Variants in CTU2 observed in about 807,000 individuals in gnomAD.
CTU2 encodes the protein cytoplasmic tRNA 2-thiolation protein 2.
A neutral mutation model predicts 64.1 loss-of-function variants in CTU2; 80 were observed. That is an observed-to-expected ratio of 1.25 (90% CI 1.04 to 1.50). The LOEUF (loss-of-function observed/expected upper bound fraction) is 1.50. Ranked by LOEUF, CTU2 falls within the 40% of genes most tolerant of loss-of-function variation. CTU2 has a pLI of 0.00. For synonymous variants in CTU2, 482 were observed against 285.3 expected (o/e 1.69, Z -6.95); for missense variants, 1,110 against 690.2 (o/e 1.61, Z -6.81).
intron 2 of CTU2, 168 bp from the exon 3 acceptor site, chr16:88,709,770 G>A (rs1911168150): frequency 3.1e-6 from 2 of 652,306 alleles, no homozygotes; most frequent in South Asian, 3.7e-5. Context: ...GCCACTGCCA[G>A]AGGGGCCAAC....
rs368218844 is a variant in CTU2 at position 88,715,119 on chromosome 16, A to G, written c.1478+13A>G. ...TCCGCACACAGAGGTACTGGGGCCC[A>G]CACTGCCGTGGCGCGTGGGTAAGGG... On this transcript the variant is annotated intron_variant, in intron 14 of 14. Transcript: ENST00000453996. 101 of 1,596,982 alleles carry G rather than the reference A, an allele frequency of 6.3e-5. No individual in the cohort carries two copies. Among genetic ancestry groups the G allele is most frequent in the Non-Finnish European group, 7.9e-5 (93 of 1,171,904 alleles).
chr16:88,708,558 C>T (rs1158888203), intron 2 of CTU2, among the ~76,000 whole-genome samples: 1 of 152,172 alleles, frequency 6.6e-6, no homozygotes, highest in Non-Finnish European at 1.5e-5. Flanking sequence ...CTGGGGGTCA[C>T]TTCCCATGTC....
At position 88,712,866 on chromosome 16, in the gene CTU2, G is replaced by C. The variant is rs753709904; in HGVS notation, c.698G>C (p.Arg233Thr). 6.5e-7 allele frequency: 1 copy of C among 1,548,304 alleles called. No individual in the cohort carries two copies. Among genetic ancestry groups the C allele is most frequent in the Admixed American group, 2.0e-5 (1 of 50,958 alleles). The change falls in exon 7 of 15, where the codon AGG becomes ACG. Residue 233 changes from arginine (R) to threonine (T), a missense_variant. Coordinates refer to ENST00000453996, the MANE Select transcript of CTU2 (RefSeq NM_001012759.3). ...EALSQLFCSV[R>T]TLTAKEELLQ... ...CTTTCCCAACTGTTCTGCTCAGTGA[G>C]GACACTGACTGCCAAGGAGGAGCTT... is the stretch of plus-strand genomic sequence containing the variant.
At chr16:88,713,980 C>G (rs181362242) in intron 9 of CTU2, among the ~76,000 whole-genome samples, 156 bp from the exon 10 acceptor site, 1 of 152,204 alleles carries the variant, frequency 6.6e-6, no homozygotes. Flanking sequence ...GGGTGCACTG[C>G]TGAAGCGGGT....
Position 88,713,734 on chromosome 16 carries a change from C to G in CTU2, c.961C>G (p.Leu321Val), listed in dbSNP as rs911187520. The part of the protein sequence containing the change: ...TLKEVAFYNR[L>V]FSVPSVFTPA... ...GAAGGAGGTCGCTTTCTACAACCGC[C>G]TGTTCTCCGTTCCTTCTGTCTTCAC... is the stretch of plus-strand genomic sequence containing the variant. The change falls in exon 9 of 15, where the codon CTG (leucine) becomes GTG (valine). Residue 321 changes from leucine (L) to valine (V), a missense_variant. By Grantham distance (32) the Leu-to-Val change is conservative. Coordinates refer to ENST00000453996, the MANE Select transcript of CTU2 (RefSeq NM_001012759.3). The G allele has an allele frequency of 6.2e-7, 1 of 1,612,734 alleles. No homozygotes were observed. The highest frequency in any genetic ancestry group is 8.5e-7 in the Non-Finnish European group (1 of 1,179,902).
chr16:88,714,902 C>T lies in CTU2; in HGVS notation c.1395C>T (p.Ser465=), dbSNP rs765973730. ...GCATTGAGGAGCAGCTGTGCTACAG[C>T]TGCCGCGTGAACATGAAGGACTTGG... ...QACIEEQLCY[S]CRVNMKDLPS... Residue 465 remains serine, a synonymous_variant, in exon 13 of 15, where the codon AGC becomes AGT. Transcript: ENST00000453996. The T allele has an allele frequency of 1.2e-6, 2 of 1,612,668 alleles. No individual in the cohort carries two copies. Among genetic ancestry groups the T allele is most frequent in the African/African-American group, 1.3e-5 (1 of 75,062 alleles).
chr16:88,714,255 G>A (rs754958017), intron 10 of CTU2, 28 bp downstream of exon 10: 1 of 1,598,916 alleles, frequency 6.3e-7, no homozygotes, highest in Admixed American at 1.7e-5. Flanking sequence ...TGTGTGCGGG[G>A]GGTGCGCGGG....
rs1250463662 is a variant in CTU2, at chr16:88,715,059, C to T, written c.1431C>T (p.Asp477=). 5.1e-6 allele frequency: 8 copies of T among 1,570,898 alleles called. No homozygotes were observed. The highest frequency in any genetic ancestry group is 1.7e-5 in the Admixed American group (1 of 57,422). Residue 477 remains aspartate (D), a synonymous_variant, in exon 14 of 15, where the codon GAC becomes GAT. Coordinates refer to ENST00000453996, the MANE Select transcript of CTU2 (RefSeq NM_001012759.3). ...RVNMKDLPSL[D]PLPPYILAEA... Reference sequence around the variant, plus strand: ...GGCCTCTGTTGCAGCCCTCACTGGACCCCCTGCCGCCGTACATCCTGGCTG... The same window carrying T: ...GGCCTCTGTTGCAGCCCTCACTGGATCCCCTGCCGCCGTACATCCTGGCTG...
In CTU2 at chr16:88,707,116, C is replaced by A. The variant is rs759357714; in HGVS notation, c.69-20C>A. The stretch of plus-strand genomic sequence containing the variant: ...GATGTGATCTGTGTTTCTCTCTTCT[C>A]CCCCCTCCCATCTCCAAAGCCGTGA... On this transcript the variant is annotated intron_variant, in intron 1 of 14. Coordinates refer to ENST00000453996, the MANE Select transcript of CTU2 (RefSeq NM_001012759.3). The A allele has an allele frequency of 1.9e-6, 3 of 1,610,904 alleles. No homozygotes were observed. The highest frequency in any genetic ancestry group is 2.2e-5 in the South Asian group (2 of 91,038).
chr16:88,714,226 AGGTGTG>A lies in CTU2; in HGVS notation c.1097+6_1097+11del. On this transcript the variant is annotated splice_donor_variant and splice_donor_5th_base_variant and coding_sequence_variant and intron_variant, in exon 10 of 15. Coordinates refer to ENST00000453996, the MANE Select transcript of CTU2 (RefSeq NM_001012759.3). LOFTEE classifies it high-confidence loss of function. ...CCCCTCCACTGTCAGCACTGTGTAC[AGGTGTG>A]GGTGTGTGTGGGTGTGTGCGGGGGG... is the stretch of plus-strand genomic sequence containing the variant. 1,222,994 of 1,596,038 alleles carry A rather than the reference AGGTGTG, an allele frequency of 0.77. 467,610 individuals carry two copies. Among genetic ancestry groups the A allele is most frequent in the East Asian group, 0.93 (41,436 of 44,770 alleles).
chr16:88,709,261 G>T (rs542375032), intron 2 of CTU2: 3 of 144,856 alleles, frequency 2.1e-5, no homozygotes, highest in Non-Finnish European at 4.4e-5. Flanking sequence ...CAACCTGGGT[G>T]ACACATCGAG....
At chr16:88,713,621 G>T in intron 8 of CTU2, 26 bp from the exon 9 acceptor site, 10 of 1,607,074 alleles carry the variant, frequency 6.2e-6, no homozygotes, top group South Asian at 2.2e-5. Flanking sequence ...CCTTGACCTG[G>T]ACCACACAGC....
Position 88,714,453 on chromosome 16 carries a change from C to A in CTU2, c.1168C>A (p.Leu390Ile). Reference sequence around the variant, plus strand: ...TGGCGACTCCGGCCCCCGCTGCCTCCTCTGCATGTGTGCCCTGGACGTCGA... The same window carrying A: ...TGGCGACTCCGGCCCCCGCTGCCTCATCTGCATGTGTGCCCTGGACGTCGA... ...AAGDSGPRCL[L>I]CMCALDVDAA... Residue 390 changes from leucine to isoleucine, a missense_variant, in exon 11 of 15, where the codon CTC becomes ATC. Coordinates refer to ENST00000453996, the MANE Select transcript of CTU2 (RefSeq NM_001012759.3). 1 of 1,612,628 alleles carries A rather than the reference C, an allele frequency of 6.2e-7. No individual in the cohort carries two copies. Among genetic ancestry groups the A allele is most frequent in the Non-Finnish European group, 8.5e-7 (1 of 1,179,868 alleles).
intron 2 of CTU2, among the ~76,000 whole-genome samples, chr16:88,707,975 C>T (rs567534970): frequency 4.1e-4 from 63 of 152,096 alleles, no homozygotes; most frequent in African/African-American, 1.5e-3. Context: ...CATGCCCGGC[C>T]AATTGTTTTT....
At chr16:88,714,291 G>A in intron 10 of CTU2, 64 bp downstream of exon 10, 3 of 1,581,280 alleles carry the variant, frequency 1.9e-6, no homozygotes, top group Non-Finnish European at 2.6e-6. Context: ...GGTGTGTGCG[G>A]GTGGTGAGCT....
intron 1 of CTU2, 37 bp downstream of exon 1, chr16:88,706,635 C>T (rs1567643456): frequency 6.7e-6 from 9 of 1,348,278 alleles, no homozygotes; most frequent in Non-Finnish European, 8.6e-6. Context: ...GGCCGCCCCT[C>T]GCCTTCCCGC....
intron 5 of CTU2, 38 bp from the exon 6 acceptor site, chr16:88,712,236 C>A: frequency 6.5e-7 from 1 of 1,538,598 alleles, no homozygotes; most frequent in East Asian, 2.4e-5. Flanking sequence ...TGCCTGGCTC[C>A]TCTCTGAGCC....
In CTU2 at chr16:88,712,639, G is replaced by A. The variant is rs372556512; in HGVS notation, c.471G>A (p.Pro157=). 5.6e-6 allele frequency: 9 copies of A among 1,610,138 alleles called. No homozygotes were observed. Among genetic ancestry groups the A allele is most frequent in the Admixed American group, 1.7e-5 (1 of 59,910 alleles). Residue 157 remains proline, a synonymous_variant, in exon 7 of 15, where the codon CCG becomes CCA. Transcript: ENST00000453996. ...VALEEVFSLP[P]SVLWCSAQEL... is the part of the protein sequence containing the mutation. Reference sequence around the variant, plus strand: ...CCCGGAAGGTGTTCAGCCTGCCACCGTCGGTGCTTTGGTGCTCTGCCCAGG... The same window carrying A: ...CCCGGAAGGTGTTCAGCCTGCCACCATCGGTGCTTTGGTGCTCTGCCCAGG...
chr16:88,710,092 C>T, intron 3 of CTU2, 76 bp downstream of exon 3: 1 of 1,570,402 alleles, frequency 6.4e-7, no homozygotes, highest in Non-Finnish European at 8.8e-7. Flanking sequence ...CCACAGGCAG[C>T]CTGGCCTGCT....
Sources: gnomAD v4.1 joint callset for allele counts (sites outside exome capture counted in the v4.1 genomes callset) on GRCh38, gnomAD v4.1.1 for gene constraint, MANE v1.5 for transcripts, NCBI Gene and HGNC (gene_info 2026-07-23, HGNC 2026-07-21) for gene names.